The following LOXL2 variants were observed in gnomAD, a reference collection of about 807,000 sequenced individuals.
The protein encoded by LOXL2 is lysyl oxidase like 2.
In LOXL2, 70 loss-of-function variants were observed where a neutral mutation model predicts 93.0. That is an observed-to-expected ratio of 0.75 (90% CI 0.62 to 0.92). LOXL2 has a LOEUF of 0.92. Among genes scored for constraint, LOXL2 ranks in the 40% least tolerant of loss-of-function variants. The pLI is 0.00. For missense variants in LOXL2, 973 were observed against 1,054.9 expected, an observed-to-expected ratio of 0.92 and a Z score of 1.08; for synonymous variants, 438 against 413.2, an observed-to-expected ratio of 1.06 and a Z score of -0.73.
chr8:23,301,090 G>A (rs1803123091), intron 12 of LOXL2, among the ~76,000 whole-genome samples: 2 of 152,218 alleles, frequency 1.3e-5, no homozygotes, highest in Non-Finnish European at 2.9e-5. Context: ...TCTGTAGGTG[G>A]GGACCGTGGG....
chr8:23,380,890 G>A (rs541562094), intron 1 of LOXL2, among the ~76,000 whole-genome samples: 18 of 152,056 alleles, frequency 1.2e-4, no homozygotes, highest in Non-Finnish European at 2.5e-4. Flanking sequence ...GCAAGCGCCT[G>A]TAATCCCAGC....
At chr8:23,380,175 A>G (rs568180125) in intron 1 of LOXL2, among the ~76,000 whole-genome samples, 1 of 152,092 alleles carries the variant, frequency 6.6e-6, no homozygotes, top group African/African-American at 2.4e-5. Context: ...CAGGCGGATC[A>G]CGAGGTCAAG....
At chr8:23,374,862 T>C (rs1310420393) in intron 1 of LOXL2, among the ~76,000 whole-genome samples, 2 of 152,158 alleles carry the variant, frequency 1.3e-5, no homozygotes, top group Non-Finnish European at 2.9e-5. Flanking sequence ...GTCAGATGAG[T>C]AGATTGCAAA....
Position 23,382,913 on chromosome 8 carries a change from C to G in LOXL2, c.-83-14479G>C, listed in dbSNP as rs147354167. On this transcript the variant is annotated intron_variant, in intron 1 of 13. Transcript: ENST00000389131. Reference sequence around the variant, plus strand: ...GTTGGAGGTGACTGTACCCGATTAGCATGGCTGAACCCACCCCAAACACCT... The same window carrying G: ...GTTGGAGGTGACTGTACCCGATTAGGATGGCTGAACCCACCCCAAACACCT... 2.1e-3 allele frequency among the ~76,000 whole-genome samples: 313 copies of G among 152,282 alleles called. 1 individual carries two copies. The highest frequency in any genetic ancestry group is 7.4e-3 in the African/African-American group (306 of 41,560).
chr8:23,399,516 A>G (rs1301015731), intron 1 of LOXL2, among the ~76,000 whole-genome samples: 2 of 152,274 alleles, frequency 1.3e-5, no homozygotes, highest in East Asian at 1.9e-4. Flanking sequence ...CAAGAGGAAA[A>G]GAGACTTGAG....
rs894373994 is a variant in LOXL2, at chr8:23,312,043, A to G, written c.1637-2132T>C. Among the ~76,000 whole-genome samples, 4 of 152,258 alleles carry G rather than the reference A, an allele frequency of 2.6e-5. No homozygotes were observed. The East Asian group carries it at 7.7e-4, about 29-fold the overall frequency. ...ACACCTCTACACAAATAAACTAGAA[A>G]TCTAGAAGAAATGGATAAATTCCTC... On this transcript the variant is annotated intron_variant, in intron 9 of 13. Coordinates refer to ENST00000389131, the MANE Select transcript of LOXL2 (RefSeq NM_002318.3).
chr8:23,303,535 G>C, intron 10 of LOXL2, 138 bp from the exon 11 acceptor site: 1 of 618,440 alleles, frequency 1.6e-6, no homozygotes, highest in Non-Finnish European at 2.9e-6. Context: ...GAGTGGATGA[G>C]AGGCCTGAGG....
At chr8:23,352,958 T>C (rs1445080827) in intron 3 of LOXL2, among the ~76,000 whole-genome samples, 1 of 143,230 alleles carries the variant, frequency 7.0e-6, no homozygotes, top group Non-Finnish European at 1.5e-5. Flanking sequence ...GAATTGCTTT[T>C]TGCAAAAGAG....
chr8:23,304,920 C>T (rs901325331), intron 10 of LOXL2, among the ~76,000 whole-genome samples: 5 of 152,170 alleles, frequency 3.3e-5, no homozygotes, highest in East Asian at 1.9e-4. Flanking sequence ...AAATTCGAGG[C>T]TCTTTTCCCT....
chr8:23,357,346 G>A (rs55649287), intron 3 of LOXL2, among the ~76,000 whole-genome samples: 37,098 of 152,038 alleles, frequency 0.24, 4,658 homozygotes, highest in Admixed American at 0.34. Context: ...TGGGAATTAC[G>A]GGCATGAGCC....
chr8:23,298,158 A>T, intron 13 of LOXL2, 36 bp from the exon 14 acceptor site: 1 of 1,542,638 alleles, frequency 6.5e-7, no homozygotes, highest in Non-Finnish European at 9.0e-7. Context: ...GAGTGGACAA[A>T]TGAGATGCTC....
intron 8 of LOXL2, among the ~76,000 whole-genome samples, chr8:23,318,448 CACACACACACACAA>C (rs1211582600): frequency 2.8e-4 from 41 of 146,576 alleles, no homozygotes; most frequent in African/African-American, 1.1e-3. Context: ...CACACACACA[CACACACACACACAA>C]AAATACACAT....
At chr8:23,307,966 A>AAAAAAAAAAAAC (rs1803256806) in intron 10 of LOXL2, among the ~76,000 whole-genome samples, 1 of 150,366 alleles carries the variant, frequency 6.7e-6, no homozygotes, top group Non-Finnish European at 1.5e-5. Flanking sequence ...AAAAAAAAAA[A>AAAAAAAAAAAAC]AAAAAAAGCC....
chr8:23,320,124 CCA>C, intron 7 of LOXL2, 72 bp from the exon 8 acceptor site: 1 of 1,520,356 alleles, frequency 6.6e-7, no homozygotes. Context: ...GCCATCAGCC[CCA>C]GTGTCCTGGA....
intron 9 of LOXL2, among the ~76,000 whole-genome samples, chr8:23,312,151 T>A (rs967480060): frequency 5.3e-5 from 8 of 152,096 alleles, no homozygotes; most frequent in Non-Finnish European, 7.4e-5. Flanking sequence ...ATTGTGGCAA[T>A]AATCAATAGC....
At chr8:23,348,794 A>G (rs950542017) in intron 3 of LOXL2, among the ~76,000 whole-genome samples, 3 of 151,742 alleles carry the variant, frequency 2.0e-5, no homozygotes, top group Non-Finnish European at 4.4e-5. Context: ...GGAGAATGGC[A>G]TGAACCCGGG....
intron 1 of LOXL2, among the ~76,000 whole-genome samples, chr8:23,369,028 A>G (rs150665149): frequency 1.5e-4 from 23 of 152,292 alleles, no homozygotes; most frequent in African/African-American, 5.1e-4. Flanking sequence ...AAGGGAGCTG[A>G]GCCCATTGAG....
chr8:23,365,216 C>T (rs1042813683), intron 2 of LOXL2: 83 of 152,370 alleles, frequency 5.4e-4, no homozygotes, highest in African/African-American at 2.0e-3. Flanking sequence ...GCAGTCTTAT[C>T]CACGGTCTGA....
intron 1 of LOXL2, among the ~76,000 whole-genome samples, chr8:23,399,283 C>T (rs1424977809): frequency 2.7e-5 from 4 of 150,272 alleles, no homozygotes; most frequent in African/African-American, 2.5e-5. Flanking sequence ...TCTTTTAAAG[C>T]CAGGCAGCCC....
Sources: gnomAD v4.1 joint callset for allele counts (sites outside exome capture counted in the v4.1 genomes callset) on GRCh38, gnomAD v4.1.1 for gene constraint, MANE v1.5 for transcripts, NCBI Gene and HGNC (gene_info 2026-07-23, HGNC 2026-07-21) for gene names.